Variants in SWT1 observed in about 807,000 individuals in gnomAD.
The protein encoded by SWT1 is transcriptional protein SWT1.
A neutral mutation model predicts 107.3 loss-of-function variants in SWT1; 33 were observed. The observed-to-expected ratio is 0.31, with a 90% CI of 0.23 to 0.41. The LOEUF is 0.41. Ranked by LOEUF, SWT1 falls within the 10% of genes least tolerant of loss-of-function variation. The pLI is 1.00. For missense variants in SWT1, 898 were observed against 1,028.9 expected (o/e 0.87, Z 1.74); for synonymous variants, 345 against 348.3 (o/e 0.99, Z 0.11).
At chr1:185,245,745 C>G (rs149679207) in intron 16 of SWT1, among the ~76,000 whole-genome samples, 2 of 151,904 alleles carry the variant, frequency 1.3e-5, no homozygotes, top group East Asian at 3.9e-4. Flanking sequence ...TAATTTTTTT[C>G]CACTCTTGCT....
chr1:185,225,531 A>G (rs952133928), intron 15 of SWT1, among the ~76,000 whole-genome samples: 1 of 152,208 alleles, frequency 6.6e-6, no homozygotes, highest in Non-Finnish European at 1.5e-5. Flanking sequence ...CAATGAAGCC[A>G]TCAGGTTCCA....
intron 10 of SWT1, among the ~76,000 whole-genome samples, chr1:185,192,662 T>G (rs1315555916): frequency 6.6e-6 from 1 of 151,704 alleles, no homozygotes; most frequent in Non-Finnish European, 1.5e-5. Flanking sequence ...TTTTTTTTTT[T>G]TTTGAGACAG....
chr1:185,214,774 G>C (rs577755426), intron 14 of SWT1, 119 bp downstream of exon 14: 4 of 797,400 alleles, frequency 5.0e-6, no homozygotes, highest in Non-Finnish European at 7.5e-6. Flanking sequence ...CATACTAAAG[G>C]CGTTAAGTAA....
intron 5 of SWT1, among the ~76,000 whole-genome samples, chr1:185,179,986 G>C (rs1478150551): frequency 6.6e-6 from 1 of 152,214 alleles, no homozygotes; most frequent in Non-Finnish European, 1.5e-5. Context: ...AGGATTTCGA[G>C]ACCAGCCTGG....
intron 16 of SWT1, among the ~76,000 whole-genome samples, chr1:185,262,783 TTTC>T (rs1469714722): frequency 4.0e-5 from 6 of 150,260 alleles, no homozygotes; most frequent in Non-Finnish European, 7.4e-5. Context: ...AAATTTCTTC[TTTC>T]TTTTTTTTTT....
intron 18 of SWT1, among the ~76,000 whole-genome samples, chr1:185,285,876 G>T (rs577799362): frequency 6.6e-6 from 1 of 152,198 alleles, no homozygotes. Context: ...TATATGTGAG[G>T]GTTTACTTCA....
At chr1:185,196,325 G>T (rs573021096) in intron 10 of SWT1, among the ~76,000 whole-genome samples, 1 of 152,206 alleles carries the variant, frequency 6.6e-6, no homozygotes, top group Admixed American at 6.5e-5. Context: ...TGAGGCCTCT[G>T]TTCTGTTCCA....
intron 7 of SWT1, among the ~76,000 whole-genome samples, chr1:185,183,338 A>C (rs1656186927): frequency 6.6e-6 from 1 of 151,890 alleles, no homozygotes; most frequent in South Asian, 2.1e-4. Flanking sequence ...TCTGTCATCC[A>C]GGCTGGAATT....
At chr1:185,256,109 C>A (rs1049911091) in intron 16 of SWT1, among the ~76,000 whole-genome samples, 26 of 150,256 alleles carry the variant, frequency 1.7e-4, no homozygotes, top group African/African-American at 6.3e-4. Flanking sequence ...AATATTGGCC[C>A]CCACTCTCTT....
At position 185,168,262 on chromosome 1, in the gene SWT1, G is replaced by A. The variant is rs1332309438; in HGVS notation, c.166-78G>A. 7.3e-6 allele frequency: 6 copies of A among 816,800 alleles called. No individual in the cohort carries two copies. In the South Asian group the frequency reaches 8.0e-5, roughly 11 times the overall value. The allele number at this position is 816,800 out of a possible 1,614,324, so 50.6% of individuals were successfully genotyped here. ...AAGATTAAGTAAAAGTATTGTGTCA[G>A]CCTATTCACTATCATAAACTGTGGA... is the stretch of plus-strand genomic sequence containing the variant. On this transcript the variant is annotated intron_variant, in intron 3 of 18. Transcript: ENST00000367500.
chr1:185,250,450 T>C (rs1661927380), intron 16 of SWT1, among the ~76,000 whole-genome samples: 1 of 152,222 alleles, frequency 6.6e-6, no homozygotes. Context: ...TGAATAGTTC[T>C]TACACTGCTA....
rs185238121 is a variant in SWT1, at chr1:185,243,230, T to C, written c.2441+11522T>C. 6.6e-5 allele frequency among the ~76,000 whole-genome samples: 10 copies of C among 152,206 alleles called. No individual in the cohort carries two copies. In the East Asian group the frequency reaches 1.7e-3, roughly 27 times the overall value. ...CTCAGGTGATCCTCTCACCTCAGCC[T>C]CTGGAGTACTTGGGACTACAGGCAT... On this transcript the variant is annotated intron_variant, in intron 16 of 18. Transcript: ENST00000367500.
At chr1:185,234,703 G>C (rs1280932518) in intron 16 of SWT1, among the ~76,000 whole-genome samples, 4 of 152,142 alleles carry the variant, frequency 2.6e-5, no homozygotes, top group African/African-American at 4.8e-5. Flanking sequence ...TTTCTTCATA[G>C]TGTCGATGGT....
chr1:185,236,217 C>A (rs1009990185), intron 16 of SWT1, among the ~76,000 whole-genome samples: 12 of 151,940 alleles, frequency 7.9e-5, no homozygotes, highest in Non-Finnish European at 1.8e-4. Context: ...CATATGGAAC[C>A]AAAAAAGAGC....
intron 16 of SWT1, among the ~76,000 whole-genome samples, chr1:185,247,899 T>G (rs1661725631): frequency 6.6e-6 from 1 of 152,200 alleles, no homozygotes; most frequent in Admixed American, 6.5e-5. Flanking sequence ...GACTATTTGT[T>G]TATTTGCTAT....
At chr1:185,260,882 A>T (rs1290460104) in intron 16 of SWT1, among the ~76,000 whole-genome samples, 2 of 152,046 alleles carry the variant, frequency 1.3e-5, no homozygotes, top group Non-Finnish European at 2.9e-5. Flanking sequence ...ATAATGACAC[A>T]TGAAATTTTT....
chr1:185,251,762 T>C (rs993160089), intron 16 of SWT1, among the ~76,000 whole-genome samples: 1 of 151,374 alleles, frequency 6.6e-6, no homozygotes, highest in Non-Finnish European at 1.5e-5. Context: ...CAATTTGTTT[T>C]TTGCTTGATA....
chr1:185,231,037 T>C (rs571991461), intron 15 of SWT1, among the ~76,000 whole-genome samples: 1 of 152,292 alleles, frequency 6.6e-6, no homozygotes, highest in Non-Finnish European at 1.5e-5. Context: ...GGGTGAGCCG[T>C]CTCGCCCAGC....
At chr1:185,220,011 G>A (rs1659515701) in intron 14 of SWT1, among the ~76,000 whole-genome samples, 2 of 151,732 alleles carry the variant, frequency 1.3e-5, no homozygotes, top group South Asian at 4.2e-4. Context: ...TGGGCCTGAT[G>A]GCTTGCACCG....
Sources: gnomAD v4.1 joint callset for allele counts (sites outside exome capture counted in the v4.1 genomes callset) on GRCh38, gnomAD v4.1.1 for gene constraint, MANE v1.5 for transcripts, NCBI Gene and HGNC (gene_info 2026-07-23, HGNC 2026-07-21) for gene names.